DENND4A: variants seen among roughly 807,000 people sequenced by gnomAD.
DENND4A encodes the protein DENN domain containing 4A.
A neutral mutation model predicts 199.3 loss-of-function variants in DENND4A; 70 were observed. The observed-to-expected ratio is 0.35, with a 90% confidence interval of 0.29 to 0.43. The LOEUF (loss-of-function observed/expected upper bound fraction) is 0.43, where lower values mean the gene tolerates loss of function less well. Ranked by LOEUF, DENND4A falls within the 20% of genes least tolerant of loss-of-function variation. The probability of loss-of-function intolerance (pLI) is 1.00; values close to 1 mark genes in which losing one functional copy is unlikely to be tolerated. For synonymous variants in DENND4A, 686 were observed against 766.9 expected (o/e 0.89, Z 1.74); for missense variants, 1,723 against 2,255.8 (o/e 0.76, Z 4.78).
At chr15:65,665,600 A>G in intron 29 of DENND4A, 138 bp from the exon 30 acceptor site, 1 of 577,280 alleles carries the variant, frequency 1.7e-6, no homozygotes, top group Admixed American at 3.4e-5. Context: ...TGATTTATCT[A>G]CATTTGATAT....
chr15:65,777,802 A>G (rs911439791), intron 1 of DENND4A, among the ~76,000 whole-genome samples: 2 of 152,224 alleles, frequency 1.3e-5, no homozygotes, highest in African/African-American at 4.8e-5. Flanking sequence ...GTGGGAGGCC[A>G]AAGTGGGCAG....
At position 65,746,838 on chromosome 15, in the gene DENND4A, C is replaced by A. The variant is rs375295387; in HGVS notation, c.562-5054G>T. On this transcript the variant is annotated intron_variant, in intron 4 of 32. Coordinates refer to ENST00000443035, the MANE Select transcript of DENND4A (RefSeq NM_001320835.1). The stretch of plus-strand genomic sequence containing the variant: ...CTGTAATCCCAGCACTTTGGGAGGC[C>A]GAGGCAGGCGGATCACTTGAGATCA... Among the ~76,000 whole-genome samples, 39 of 150,856 alleles carry A rather than the reference C, an allele frequency of 2.6e-4. No individual in the cohort carries two copies. The East Asian group carries it at 7.0e-3, about 27-fold the overall frequency.
intron 20 of DENND4A, among the ~76,000 whole-genome samples, chr15:65,698,894 T>A (rs957243014): frequency 1.3e-5 from 2 of 151,968 alleles, no homozygotes; most frequent in African/African-American, 2.4e-5. Flanking sequence ...TGTGCCACCA[T>A]GCCTAGCTAA....
intron 21 of DENND4A, chr15:65,696,815 T>C: frequency 3.7e-6 from 1 of 273,832 alleles, no homozygotes; most frequent in South Asian, 4.5e-5. Context: ...AAACAAACTT[T>C]TTTTTTTTCT....
intron 2 of DENND4A, among the ~76,000 whole-genome samples, chr15:65,759,728 A>C (rs927038906): frequency 1.4e-4 from 21 of 152,210 alleles, no homozygotes; most frequent in African/African-American, 4.6e-4. Context: ...TGCTCCAAAA[A>C]AAGAGCAGTT....
chr15:65,771,118 T>C (rs1567096605), intron 1 of DENND4A: 1 of 1,476,508 alleles, frequency 6.8e-7, no homozygotes, highest in East Asian at 2.3e-5. Flanking sequence ...GAAACTAAAC[T>C]TACTTACAGA....
chr15:65,677,189 A>T (rs2076409153), intron 23 of DENND4A, among the ~76,000 whole-genome samples: 1 of 152,140 alleles, frequency 6.6e-6, no homozygotes, highest in African/African-American at 2.4e-5. Context: ...ATGTGTGTGC[A>T]TATTGTTATT....
intron 2 of DENND4A, among the ~76,000 whole-genome samples, chr15:65,757,279 C>A (rs2076731724): frequency 6.8e-6 from 1 of 146,622 alleles, no homozygotes; most frequent in African/African-American, 2.5e-5. Context: ...GGGGGGGTCT[C>A]ACTATGTTGC....
intron 12 of DENND4A, among the ~76,000 whole-genome samples, chr15:65,718,482 G>A (rs2075485847): frequency 6.6e-6 from 1 of 151,832 alleles, no homozygotes; most frequent in African/African-American, 2.4e-5. Context: ...ACCAAGTATT[G>A]GCATTGTTCA....
Position 65,720,947 on chromosome 15 carries a change from TTATATA to T in DENND4A, c.1588+1895_1588+1900del, listed in dbSNP as rs72498783. 8.4e-3 allele frequency among the ~76,000 whole-genome samples: 640 copies of T among 76,258 alleles called. 46 individuals carry two copies. Among genetic ancestry groups the T allele is most frequent in the African/African-American group, 0.014 (262 of 19,046 alleles). 50.0% of individuals were successfully genotyped at this position (76,258 alleles called of 152,430 possible). On this transcript the variant is annotated intron_variant, in intron 12 of 32. Transcript: ENST00000443035. ...AAAGTTGAATGGGCTGTTTCATTGA[TTATATA>T]TATATATATATATATATATATATAT...
chr15:65,785,511 T>A (rs2077544264), intron 1 of DENND4A, among the ~76,000 whole-genome samples: 1 of 148,782 alleles, frequency 6.7e-6, no homozygotes, highest in Admixed American at 6.7e-5. Context: ...AAAAAAAAAA[T>A]TATTAAATTC....
At chr15:65,677,011 T>C (rs2076402909) in intron 23 of DENND4A, among the ~76,000 whole-genome samples, 1 of 152,198 alleles carries the variant, frequency 6.6e-6, no homozygotes, top group African/African-American at 2.4e-5. Context: ...ACATATATAT[T>C]TCTACTTTTC....
intron 4 of DENND4A, among the ~76,000 whole-genome samples, chr15:65,746,369 C>CTTTTTTTTTTTTTTTTTTTTTTTTTTTTT: frequency 2.0e-5 from 1 of 51,268 alleles, no homozygotes; most frequent in Non-Finnish European, 3.6e-5. Context: ...ACTTTTTTCT[C>CTTTTTTTTTTTTTTTTTTTTTTTTTTTTT]TTTTTTTTTT....
At chr15:65,739,241 C>G (rs2076188277) in intron 5 of DENND4A, among the ~76,000 whole-genome samples, 1 of 152,090 alleles carries the variant, frequency 6.6e-6, no homozygotes, top group South Asian at 2.1e-4. Flanking sequence ...TTTCATCTAT[C>G]TACTTCATCA....
intron 5 of DENND4A, among the ~76,000 whole-genome samples, chr15:65,739,263 C>A (rs567760240): frequency 6.6e-6 from 1 of 152,292 alleles, no homozygotes; most frequent in South Asian, 2.1e-4. Flanking sequence ...CTCTCAATAA[C>A]TTTTACACAT....
intron 17 of DENND4A, 50 bp downstream of exon 17, chr15:65,702,255 T>A (rs1045585198): frequency 1.2e-5 from 17 of 1,438,000 alleles, no homozygotes; most frequent in Non-Finnish European, 1.6e-5. Context: ...GGTGACAGAG[T>A]GAGACCCCAT....
intron 19 of DENND4A, 90 bp downstream of exon 19, chr15:65,700,961 A>G (rs1327632093): frequency 7.2e-7 from 1 of 1,396,226 alleles, no homozygotes; most frequent in East Asian, 2.5e-5. Flanking sequence ...AAAACATTCA[A>G]TATTTTAAAA....
Position 65,690,825 on chromosome 15 carries a change from T to A in DENND4A, c.3769A>T (p.Asn1257Tyr). 1 of 1,613,338 alleles carries A rather than the reference T, an allele frequency of 6.2e-7. No homozygotes were observed. The highest frequency in any genetic ancestry group is 8.5e-7 in the Non-Finnish European group (1 of 1,179,724). ...DLAEEIVMYM[N>Y]NMSSPLTSRT... ...CTTGTCAAAGGACTGCTCATGTTAT[T>A]CATATACATCACAATTTCTTCAGCT... Residue 1257 changes from asparagine to tyrosine, a missense_variant, in exon 23 of 33, where the codon AAT (asparagine) becomes TAT (tyrosine). Coordinates refer to ENST00000443035, the MANE Select transcript of DENND4A (RefSeq NM_001320835.1).
At chr15:65,720,947 T>TTATATATATATATATA (rs72498783) in intron 12 of DENND4A, among the ~76,000 whole-genome samples, 865 of 75,828 alleles carry the variant, frequency 0.011, 37 homozygotes, top group Non-Finnish European at 0.015. Flanking sequence ...GTTTCATTGA[T>TTATATATATATATATA]TATATATATA....
Sources: allele counts gnomAD v4.1 joint callset (sites outside exome capture counted in the v4.1 genomes callset), GRCh38; gene constraint gnomAD v4.1.1; transcripts MANE v1.5; gene names NCBI Gene and HGNC (gene_info 2026-07-23, HGNC 2026-07-21).